CNOT6: variants seen among roughly 807,000 people sequenced by gnomAD.
The protein encoded by CNOT6 is CCR4-NOT transcription complex subunit 6.
A neutral mutation model predicts 61.2 loss-of-function variants in CNOT6; 12 were observed. The ratio of observed to expected loss-of-function variants is 0.20; its 90% CI spans 0.13 to 0.32. CNOT6 has a LOEUF of 0.32. Ranked by LOEUF, CNOT6 falls within the 10% of genes least tolerant of loss-of-function variation. The pLI is 1.00. For synonymous variants in CNOT6, 225 were observed against 240.6 expected, an observed-to-expected ratio of 0.94 and a Z score of 0.60; for missense variants, 405 against 663.9, an observed-to-expected ratio of 0.61 and a Z score of 4.28.
At chr5:180,539,161 G>A (rs1373328386) in intron 2 of CNOT6, among the ~76,000 whole-genome samples, 1 of 131,556 alleles carries the variant, frequency 7.6e-6, no homozygotes, top group South Asian at 2.6e-4. Context: ...GCAACAGAGC[G>A]AGACTCCATC....
chr5:180,529,253 G>A, intron 1 of CNOT6, 22 bp from the exon 2 acceptor site: 2 of 1,235,212 alleles, frequency 1.6e-6, no homozygotes, highest in Middle Eastern at 1.9e-4. Flanking sequence ...TTAGAATACT[G>A]ATTGGTTTCT....
At chr5:180,535,093 C>T (rs565221183) in intron 2 of CNOT6, among the ~76,000 whole-genome samples, 11 of 152,314 alleles carry the variant, frequency 7.2e-5, no homozygotes, top group South Asian at 6.2e-4. Flanking sequence ...TGGCATGGGC[C>T]GGAGTCCCTG....
At chr5:180,563,604 C>T (rs1299216773) in intron 4 of CNOT6, among the ~76,000 whole-genome samples, 1 of 152,154 alleles carries the variant, frequency 6.6e-6, no homozygotes, top group Non-Finnish European at 1.5e-5. Flanking sequence ...TCATTCTTAT[C>T]TACCATATCC....
chr5:180,521,827 A>G (rs1372642625), intron 1 of CNOT6, among the ~76,000 whole-genome samples: 1 of 152,224 alleles, frequency 6.6e-6, no homozygotes, highest in African/African-American at 2.4e-5. Flanking sequence ...ACTTAGGATA[A>G]TAGCCTCCAG....
At chr5:180,506,916 G>T (rs1236197111) in intron 1 of CNOT6, among the ~76,000 whole-genome samples, 1 of 152,170 alleles carries the variant, frequency 6.6e-6, no homozygotes, top group Non-Finnish European at 1.5e-5. Context: ...AATGGAAGAA[G>T]CCTGTGTTAC....
chr5:180,553,670 T>C (rs1759728167), intron 4 of CNOT6, among the ~76,000 whole-genome samples, 199 bp downstream of exon 4: 1 of 152,068 alleles, frequency 6.6e-6, no homozygotes, highest in Admixed American at 6.5e-5. Context: ...TCTTTTTTTT[T>C]GCTCCGGACC....
intron 1 of CNOT6, among the ~76,000 whole-genome samples, chr5:180,512,138 T>C (rs551595333): frequency 6.6e-6 from 1 of 152,250 alleles, no homozygotes; most frequent in Non-Finnish European, 1.5e-5. Context: ...TTCAGAATGG[T>C]CTTTGAAGAA....
intron 2 of CNOT6, among the ~76,000 whole-genome samples, chr5:180,537,034 A>G (rs1758730361): frequency 6.6e-6 from 1 of 152,152 alleles, no homozygotes; most frequent in African/African-American, 2.4e-5. Context: ...GTACCAGTTT[A>G]TTTACCCAGT....
At chr5:180,514,581 A>G (rs1757548588) in intron 1 of CNOT6, among the ~76,000 whole-genome samples, 1 of 152,202 alleles carries the variant, frequency 6.6e-6, no homozygotes, top group African/African-American at 2.4e-5. Flanking sequence ...AGGAAATGAG[A>G]ATTAAAGTCC....
chr5:180,547,735 G>T (rs1759384522), intron 2 of CNOT6, among the ~76,000 whole-genome samples: 1 of 151,960 alleles, frequency 6.6e-6, no homozygotes, highest in South Asian at 2.1e-4. Flanking sequence ...GGAGTTGTTT[G>T]TTTGTTTGTT....
rs1756491366 is a variant in CNOT6 at position 180,494,473 on chromosome 5, C to G, written c.-293C>G. 1 of 153,894 alleles carries G rather than the reference C, an allele frequency of 6.5e-6. No homozygotes were observed. Among genetic ancestry groups the G allele is most frequent in the South Asian group, 1.8e-4 (1 of 5,638 alleles). The allele number at this position is 153,894 out of a possible 1,614,324, so 9.5% of individuals were successfully genotyped here. A position where few individuals can be genotyped will look rare whatever the true frequency, so the allele number is the denominator to read the frequency against. The stretch of plus-strand genomic sequence containing the variant: ...GCGGCGGCGTCGGTGGCGGCGGCGA[C>G]GGCGGCGCGGAGGCGAAGGCAGCGG... On this transcript the variant is annotated 5_prime_UTR_variant, in exon 1 of 12. Coordinates refer to ENST00000261951, the MANE Select transcript of CNOT6 (RefSeq NM_001370472.1).
intron 1 of CNOT6, among the ~76,000 whole-genome samples, chr5:180,505,258 T>G (rs1451763329): frequency 7.7e-6 from 1 of 129,232 alleles, no homozygotes; most frequent in African/African-American, 2.9e-5. Flanking sequence ...TTAATTTTTT[T>G]TTTTTTTTTT....
chr5:180,513,919 G>A (rs1477296367), intron 1 of CNOT6, among the ~76,000 whole-genome samples: 1 of 151,356 alleles, frequency 6.6e-6, no homozygotes, highest in African/African-American at 2.4e-5. Context: ...TAGCCAGATG[G>A]TCTCGATCTC....
intron 1 of CNOT6, among the ~76,000 whole-genome samples, chr5:180,522,158 C>G (rs1757906765): frequency 6.6e-6 from 1 of 152,148 alleles, no homozygotes; most frequent in South Asian, 2.1e-4. Flanking sequence ...GAGTTTCACT[C>G]TTATCACCGA....
intron 1 of CNOT6, among the ~76,000 whole-genome samples, chr5:180,497,565 AC>A (rs1432878537): frequency 6.6e-6 from 1 of 152,156 alleles, no homozygotes; most frequent in African/African-American, 2.4e-5. Context: ...TGCAAGGTCC[AC>A]TGGCTTGGGA....
At chr5:180,555,648 A>T (rs762347875) in intron 4 of CNOT6, among the ~76,000 whole-genome samples, 21 of 152,168 alleles carry the variant, frequency 1.4e-4, no homozygotes, top group Non-Finnish European at 1.8e-4. Context: ...GGGTGGAATG[A>T]TCCGTTTGGG....
chr5:180,566,887 C>T (rs1215024099), intron 7 of CNOT6, among the ~76,000 whole-genome samples: 1 of 151,964 alleles, frequency 6.6e-6, no homozygotes, highest in African/African-American at 2.4e-5. Context: ...CTCCTGGGCT[C>T]TAGTGATCCG....
At chr5:180,571,600 C>G (rs1760752163) in intron 11 of CNOT6, among the ~76,000 whole-genome samples, 168 bp downstream of exon 11, 1 of 152,188 alleles carries the variant, frequency 6.6e-6, no homozygotes, top group South Asian at 2.1e-4. Context: ...AGGTCTCACT[C>G]TGTTACCCAG....
intron 1 of CNOT6, among the ~76,000 whole-genome samples, chr5:180,513,084 A>G (rs1561634849): frequency 6.6e-6 from 1 of 151,612 alleles, no homozygotes; most frequent in African/African-American, 2.4e-5. Flanking sequence ...TTTTTAGTAG[A>G]CACGGCATTT....
Sources: allele counts gnomAD v4.1 joint callset (sites outside exome capture counted in the v4.1 genomes callset), GRCh38; gene constraint gnomAD v4.1.1; transcripts MANE v1.5; gene names NCBI Gene and HGNC (gene_info 2026-07-23, HGNC 2026-07-21).